COL22A1: variants seen among roughly 807,000 people sequenced by gnomAD.
COL22A1 encodes collagen type XXII alpha 1 chain.
In COL22A1, 221 loss-of-function variants were observed where a neutral mutation model predicts 248.9. That is an observed-to-expected ratio of 0.89 (90% CI 0.80 to 0.99). The LOEUF (loss-of-function observed/expected upper bound fraction) is 0.99, where lower values mean the gene tolerates loss of function less well. Ranked by LOEUF, COL22A1 falls within the 50% of genes least tolerant of loss-of-function variation. The pLI, the probability that COL22A1 is intolerant of heterozygous loss-of-function variation, is 0.00. For synonymous variants in COL22A1, 891 were observed against 793.4 expected (o/e 1.12, Z -2.07); for missense variants, 2,240 against 2,179.0 (o/e 1.03, Z -0.56).
At chr8:138,831,227 C>G (rs1244807498) in intron 5 of COL22A1, among the ~76,000 whole-genome samples, 1 of 152,106 alleles carries the variant, frequency 6.6e-6, no homozygotes, top group Non-Finnish European at 1.5e-5. Flanking sequence ...GCAGAAACCC[C>G]TACTCTATGA....
chr8:138,700,584 G>C (rs966875153), intron 31 of COL22A1, among the ~76,000 whole-genome samples: 16 of 152,210 alleles, frequency 1.1e-4, no homozygotes, highest in African/African-American at 3.9e-4. Context: ...AGGTTGGGGA[G>C]AGTAGGAGAG....
chr8:138,673,803 A>G (rs1397175358), intron 41 of COL22A1, among the ~76,000 whole-genome samples: 2 of 152,126 alleles, frequency 1.3e-5, no homozygotes, highest in African/African-American at 2.4e-5. Context: ...GCACCTGCCC[A>G]GGGCTTTCTT....
chr8:138,733,836 T>G (rs1178158317), intron 23 of COL22A1, among the ~76,000 whole-genome samples: 1 of 152,182 alleles, frequency 6.6e-6, no homozygotes, highest in East Asian at 1.9e-4. Flanking sequence ...AGCAAAGGAC[T>G]TGCTTGAGAG....
intron 25 of COL22A1, among the ~76,000 whole-genome samples, chr8:138,723,514 TC>T (rs1830062415): frequency 6.6e-6 from 1 of 152,094 alleles, no homozygotes; most frequent in Admixed American, 6.6e-5. Context: ...TCTAACACGC[TC>T]CCCTCCTCTG....
intron 1 of COL22A1, among the ~76,000 whole-genome samples, chr8:138,884,670 C>T (rs941625295): frequency 6.6e-6 from 1 of 152,092 alleles, no homozygotes; most frequent in Non-Finnish European, 1.5e-5. Flanking sequence ...AAATGACATC[C>T]TACGAACTGG....
intron 30 of COL22A1, among the ~76,000 whole-genome samples, chr8:138,705,723 C>T (rs1439720323): frequency 1.3e-5 from 2 of 152,190 alleles, no homozygotes; most frequent in Admixed American, 1.3e-4. Flanking sequence ...ACTGCATCAA[C>T]TAATGAGCAA....
intron 23 of COL22A1, among the ~76,000 whole-genome samples, chr8:138,728,252 A>C (rs1039370597): frequency 1.3e-5 from 2 of 151,080 alleles, no homozygotes; most frequent in African/African-American, 4.9e-5. Flanking sequence ...CCGATCTTGA[A>C]CTCCTGGGCT....
chr8:138,646,610 G>C lies in COL22A1; in HGVS notation c.3501+19C>G, dbSNP rs1258627946. The C allele has an allele frequency of 6.4e-7, 1 of 1,565,936 alleles. No homozygotes were observed. Among genetic ancestry groups the C allele is most frequent in the African/African-American group, 1.4e-5 (1 of 73,870 alleles). On this transcript the variant is annotated intron_variant, in intron 47 of 64. Transcript: ENST00000303045. Reference sequence around the variant, plus strand: ...TGAGCAGAATAGATCCATGCAGATGGTTATGAAGTCTCACTGACCTGTGGT... The same window carrying C: ...TGAGCAGAATAGATCCATGCAGATGCTTATGAAGTCTCACTGACCTGTGGT...
chr8:138,731,524 C>G (rs1303655973), intron 23 of COL22A1, among the ~76,000 whole-genome samples: 1 of 152,046 alleles, frequency 6.6e-6, no homozygotes, highest in Non-Finnish European at 1.5e-5. Context: ...GACTGGGACA[C>G]AACCTGATAC....
chr8:138,813,379 G>A (rs758984971), intron 7 of COL22A1, among the ~76,000 whole-genome samples: 12 of 152,178 alleles, frequency 7.9e-5, no homozygotes, highest in Middle Eastern at 3.2e-3. Flanking sequence ...GAGATCTGAT[G>A]GTTTTATAAG....
intron 3 of COL22A1, among the ~76,000 whole-genome samples, chr8:138,861,399 T>G (rs1052106153): frequency 6.6e-6 from 1 of 152,204 alleles, no homozygotes; most frequent in Non-Finnish European, 1.5e-5. Flanking sequence ...ACAAAAGAGC[T>G]GGCAAGTCAG....
intron 59 of COL22A1, 67 bp from the exon 60 acceptor site, chr8:138,602,226 A>G (rs1818082129): frequency 3.8e-6 from 6 of 1,566,298 alleles, no homozygotes; most frequent in Middle Eastern, 1.7e-4. Context: ...GCCTTGCTGG[A>G]TATTCTTCAC....
chr8:138,862,449 A>G (rs1052913400), intron 3 of COL22A1, among the ~76,000 whole-genome samples: 3 of 152,010 alleles, frequency 2.0e-5, no homozygotes, highest in Admixed American at 1.3e-4. Flanking sequence ...GTCCCTTTAT[A>G]GTTTCCTCCA....
chr8:138,794,184 C>T (rs977567620), intron 12 of COL22A1, among the ~76,000 whole-genome samples: 46 of 151,962 alleles, frequency 3.0e-4, no homozygotes, highest in African/African-American at 1.0e-3. Context: ...GTCAAGAGCT[C>T]GAGACCATCC....
intron 16 of COL22A1, among the ~76,000 whole-genome samples, chr8:138,774,215 G>A (rs1471125806): frequency 6.6e-6 from 1 of 152,120 alleles, no homozygotes; most frequent in Non-Finnish European, 1.5e-5. Flanking sequence ...ATGTTTGGGA[G>A]CCTGCTTTGG....
At chr8:138,728,425 T>C (rs188677732) in intron 23 of COL22A1, among the ~76,000 whole-genome samples, 1 of 152,074 alleles carries the variant, frequency 6.6e-6, no homozygotes, top group African/African-American at 2.4e-5. Context: ...TTGTTAGCAG[T>C]CTGAATGAAC....
At chr8:138,746,194 C>T (rs969946650) in intron 22 of COL22A1, among the ~76,000 whole-genome samples, 6 of 152,214 alleles carry the variant, frequency 3.9e-5, no homozygotes, top group Admixed American at 2.0e-4. Context: ...GGCCTGGGTT[C>T]TGTTGCCCCC....
chr8:138,719,175 A>G (rs1829675692), intron 27 of COL22A1, among the ~76,000 whole-genome samples: 1 of 152,086 alleles, frequency 6.6e-6, no homozygotes, highest in African/African-American at 2.4e-5. Flanking sequence ...TCAATCAAAC[A>G]CTGAAAGGTG....
chr8:138,723,421 C>A (rs79242428), intron 25 of COL22A1, among the ~76,000 whole-genome samples: 1 of 152,092 alleles, frequency 6.6e-6, no homozygotes, highest in Admixed American at 6.5e-5. Flanking sequence ...GAGCAAATGC[C>A]AAGGCCAGAA....
Sources: allele counts gnomAD v4.1 joint callset (sites outside exome capture counted in the v4.1 genomes callset), GRCh38; gene constraint gnomAD v4.1.1; transcripts MANE v1.5; gene names NCBI Gene and HGNC (gene_info 2026-07-23, HGNC 2026-07-21).